Variants in TSPAN18 observed in about 807,000 individuals in gnomAD.
TSPAN18 encodes the protein tetraspanin-18.
Under a neutral mutation model 27.3 loss-of-function variants are expected in TSPAN18, and 14 were observed. That is an observed-to-expected ratio of 0.51 (90% CI 0.34 to 0.80). The LOEUF (loss-of-function observed/expected upper bound fraction) is 0.80. Ranked by LOEUF, TSPAN18 falls within the 30% of genes least tolerant of loss-of-function variation. The pLI is 0.01. For synonymous variants in TSPAN18, 143 were observed against 136.5 expected (o/e 1.05, Z -0.33); for missense variants, 268 against 323.9 (o/e 0.83, Z 1.32).
intron 6 of TSPAN18, 113 bp downstream of exon 6, chr11:44,918,159 A>T: frequency 1.8e-6 from 2 of 1,109,570 alleles, no homozygotes; most frequent in East Asian, 2.4e-5. Context: ...GCAGCCTCTC[A>T]TCTGGCACTT....
chr11:44,928,877 C>G (rs925684750), intron 9 of TSPAN18, among the ~76,000 whole-genome samples: 2 of 152,224 alleles, frequency 1.3e-5, no homozygotes, highest in Admixed American at 6.5e-5. Context: ...TAAGGACAAC[C>G]CTGCTATGTC....
chr11:44,727,840 C>T (rs1278940937), intron 1 of TSPAN18, among the ~76,000 whole-genome samples: 1 of 152,188 alleles, frequency 6.6e-6, no homozygotes, highest in African/African-American at 2.4e-5. Flanking sequence ...CCCCCTTATT[C>T]CTTAGGTGTG....
At chr11:44,840,498 G>A (rs1455536014) in intron 2 of TSPAN18, among the ~76,000 whole-genome samples, 5 of 152,234 alleles carry the variant, frequency 3.3e-5, no homozygotes, top group African/African-American at 9.6e-5. Flanking sequence ...GAAAACTGAA[G>A]TTCAAAGCAG....
chr11:44,890,098 G>T (rs1858793429), intron 3 of TSPAN18, among the ~76,000 whole-genome samples: 1 of 152,270 alleles, frequency 6.6e-6, no homozygotes, highest in Non-Finnish European at 1.5e-5. Context: ...CAAACTTTTT[G>T]TCCCTCTGCT....
intron 1 of TSPAN18, among the ~76,000 whole-genome samples, chr11:44,742,942 C>T (rs1009762830): frequency 1.3e-5 from 2 of 152,224 alleles, no homozygotes; most frequent in Admixed American, 1.3e-4. Flanking sequence ...GGGACAGCTT[C>T]ATGGGGGGGC....
intron 2 of TSPAN18, among the ~76,000 whole-genome samples, chr11:44,772,902 CT>C (rs1590444720): frequency 6.6e-6 from 1 of 152,110 alleles, no homozygotes; most frequent in East Asian, 2.0e-4. Flanking sequence ...GGCGATCCAC[CT>C]GCCTCAGCCT....
intron 2 of TSPAN18, among the ~76,000 whole-genome samples, chr11:44,787,234 C>T (rs185655539): frequency 1.2e-4 from 19 of 152,356 alleles, no homozygotes; most frequent in African/African-American, 4.6e-4. Context: ...TTAATCCTCA[C>T]ATCAACCCTG....
intron 2 of TSPAN18, among the ~76,000 whole-genome samples, chr11:44,811,430 A>T (rs1856713471): frequency 6.6e-6 from 1 of 151,462 alleles, no homozygotes; most frequent in Middle Eastern, 3.4e-3. Flanking sequence ...CTAGTGATAA[A>T]CTCCTTGATG....
intron 2 of TSPAN18, among the ~76,000 whole-genome samples, chr11:44,774,742 A>G (rs1855766011): frequency 1.3e-5 from 2 of 152,118 alleles, no homozygotes; most frequent in Admixed American, 1.3e-4. Context: ...AGTTCGAAGG[A>G]CTCACCACCT....
chr11:44,892,125 C>T (rs1457583808), intron 3 of TSPAN18, among the ~76,000 whole-genome samples: 1 of 152,176 alleles, frequency 6.6e-6, no homozygotes. Context: ...GTCAACCTTC[C>T]TTCCTATCCC....
intron 1 of TSPAN18, among the ~76,000 whole-genome samples, chr11:44,763,879 G>A (rs1004339873): frequency 6.6e-6 from 1 of 152,090 alleles, no homozygotes; most frequent in Non-Finnish European, 1.5e-5. Context: ...CTGCTGTAAA[G>A]AAATACCTGA....
At chr11:44,811,125 AACACACACACACACAC>A (rs61153202) in intron 2 of TSPAN18, among the ~76,000 whole-genome samples, 11,941 of 142,530 alleles carry the variant, frequency 0.084, 642 homozygotes, top group Admixed American at 0.13. Context: ...CTGGAGTTTT[AACACACACACACACAC>A]ACACACACAC....
At chr11:44,884,961 G>A (rs192862517) in intron 3 of TSPAN18, among the ~76,000 whole-genome samples, 3 of 152,216 alleles carry the variant, frequency 2.0e-5, no homozygotes, top group Admixed American at 2.0e-4. Flanking sequence ...ACTATAACCT[G>A]TGGGCCAGAT....
intron 2 of TSPAN18, among the ~76,000 whole-genome samples, chr11:44,858,363 A>T (rs964037029): frequency 2.7e-5 from 4 of 149,890 alleles, no homozygotes; most frequent in African/African-American, 9.8e-5. Flanking sequence ...CAGGGGAATT[A>T]GAGGAGGAGA....
At chr11:44,844,673 G>A (rs987677163) in intron 2 of TSPAN18, among the ~76,000 whole-genome samples, 6 of 152,102 alleles carry the variant, frequency 3.9e-5, no homozygotes, top group Non-Finnish European at 5.9e-5. Flanking sequence ...TTTTAAACTG[G>A]GTTGTTTTCT....
chr11:44,802,098 C>T (rs1397154588), intron 2 of TSPAN18, among the ~76,000 whole-genome samples: 2 of 152,072 alleles, frequency 1.3e-5, no homozygotes, highest in African/African-American at 4.8e-5. Context: ...CCTGCTAGGT[C>T]TTAGACCTAC....
In TSPAN18 at chr11:44,930,066, G is replaced by C. The variant is rs860694; in HGVS notation, c.*888G>C. Reference sequence around the variant, plus strand: ...CTCCTACCTCCCCACACCTCTCTCTGAGTCCCCAGGAACACACAGAGGTGC... The same window carrying C: ...CTCCTACCTCCCCACACCTCTCTCTCAGTCCCCAGGAACACACAGAGGTGC... On this transcript the variant is annotated 3_prime_UTR_variant, in exon 10 of 10. Transcript: ENST00000520358. The C allele has an allele frequency of 0.46, 70,034 of 152,174 alleles. 17,278 individuals carry two copies. The highest frequency in any genetic ancestry group is 0.69 in the South Asian group (3,348 of 4,826). 9.4% of individuals were successfully genotyped at this position (152,174 alleles called of 1,614,324 possible). A position where few individuals can be genotyped will look rare whatever the true frequency, so the allele number is the denominator to read the frequency against.
At chr11:44,890,361 T>C (rs1182735824) in intron 3 of TSPAN18, among the ~76,000 whole-genome samples, 1 of 152,236 alleles carries the variant, frequency 6.6e-6, no homozygotes, top group Non-Finnish European at 1.5e-5. Flanking sequence ...ACCACAGTAC[T>C]GTTAGCAGTA....
chr11:44,779,833 A>G (rs1187036615), intron 2 of TSPAN18, among the ~76,000 whole-genome samples: 4 of 152,072 alleles, frequency 2.6e-5, no homozygotes, highest in African/African-American at 9.7e-5. Flanking sequence ...GTGTCTGCCT[A>G]TGCACACACA....
Sources: gnomAD v4.1 joint callset for allele counts (sites outside exome capture counted in the v4.1 genomes callset) on GRCh38, gnomAD v4.1.1 for gene constraint, MANE v1.5 for transcripts, NCBI Gene and HGNC (gene_info 2026-07-23, HGNC 2026-07-21) for gene names.